Variants in GASK1B observed in about 807,000 individuals in gnomAD.
The protein encoded by GASK1B is golgi associated kinase 1B, also known as Golgi-associated kinase 1B.
GASK1B carries 34 observed loss-of-function variants against 42.8 expected under a neutral mutation model. The observed-to-expected ratio is 0.79, with a 90% CI of 0.60 to 1.06. The LOEUF is 1.06. Among genes scored for constraint, GASK1B ranks in the 50% least tolerant of loss-of-function variants. The pLI is 0.00. For synonymous variants in GASK1B, 262 were observed against 259.1 expected, an observed-to-expected ratio of 1.01 and a Z score of -0.11; for missense variants, 686 against 661.0, an observed-to-expected ratio of 1.04 and a Z score of -0.42.
At chr4:158,129,176 A>C (rs1730575112) in intron 4 of GASK1B, among the ~76,000 whole-genome samples, 1 of 152,232 alleles carries the variant, frequency 6.6e-6, no homozygotes, top group Non-Finnish European at 1.5e-5. Context: ...ACTCCTCATA[A>C]TGCATTTAAA....
At chr4:158,162,556 G>A (rs1282196474) in intron 2 of GASK1B, among the ~76,000 whole-genome samples, 2 of 152,164 alleles carry the variant, frequency 1.3e-5, no homozygotes, top group South Asian at 2.1e-4. Flanking sequence ...AATTGGGAAG[G>A]ATTAGAGAAA....
chr4:158,143,888 T>C (rs1374688015), intron 3 of GASK1B, among the ~76,000 whole-genome samples: 1 of 152,118 alleles, frequency 6.6e-6, no homozygotes, highest in East Asian at 1.9e-4. Context: ...TGTTTAAAAA[T>C]ACAGTGTCAT....
chr4:158,149,767 T>C (rs1731475877), intron 3 of GASK1B, among the ~76,000 whole-genome samples: 1 of 152,090 alleles, frequency 6.6e-6, no homozygotes, highest in Non-Finnish European at 1.5e-5. Flanking sequence ...TTGGTAGTAG[T>C]TATACAACTA....
In GASK1B at chr4:158,170,881, C is replaced by T; in HGVS notation, c.495G>A (p.Gly165=). ...AAREADAVAP[G]YAQGANLVKI... is the part of the protein sequence containing the mutation. ...TAACCAGGTTTGCTCCCTGAGCGTA[C>T]CCAGGTGCTACAGCATCAGCTTCCC... The change falls in exon 2 of 5, where the codon GGG becomes GGA. Residue 165 remains glycine, a synonymous_variant. Transcript: ENST00000585682. The T allele has an allele frequency of 6.2e-7, 1 of 1,614,236 alleles. No individual in the cohort carries two copies. Among genetic ancestry groups the T allele is most frequent in the Non-Finnish European group, 8.5e-7 (1 of 1,180,050 alleles).
At chr4:158,130,293 TGCCTTACTTACCAGATTG>T (rs1168474140) in intron 4 of GASK1B, among the ~76,000 whole-genome samples, 1 of 152,218 alleles carries the variant, frequency 6.6e-6, no homozygotes, top group East Asian at 1.9e-4. Context: ...TCTGAGACTA[TGCCTTACTTACCAGATTG>T]GCTGTCATTT....
intron 3 of GASK1B, among the ~76,000 whole-genome samples, chr4:158,151,802 T>TG (rs2110982221): frequency 6.6e-6 from 1 of 152,272 alleles, no homozygotes; most frequent in East Asian, 1.9e-4. Context: ...AAATGGTAAT[T>TG]GTGATGGTTA....
chr4:158,163,035 C>T (rs1732085881), intron 2 of GASK1B, among the ~76,000 whole-genome samples: 1 of 152,182 alleles, frequency 6.6e-6, no homozygotes, highest in African/African-American at 2.4e-5. Flanking sequence ...ACAAGATTAT[C>T]TGATGTAGGG....
chr4:158,126,056 T>G lies in GASK1B; in HGVS notation c.*1351A>C, dbSNP rs1730441106. 3 of 152,160 alleles carry G rather than the reference T, an allele frequency of 2.0e-5. No individual in the cohort carries two copies. The highest frequency in any genetic ancestry group is 4.1e-4 in the South Asian group (2 of 4,830). 9.4% of individuals were successfully genotyped at this position (152,160 alleles called of 1,614,324 possible). A position where few individuals can be genotyped will look rare whatever the true frequency, so the allele number is the denominator to read the frequency against. ...AGGAGAGAATGTATTATAAACATTCTCAAATTGTATTTTTAAACTTTCAGG... is the reference window on the plus strand; with the variant it reads ...AGGAGAGAATGTATTATAAACATTCGCAAATTGTATTTTTAAACTTTCAGG... On this transcript the variant is annotated 3_prime_UTR_variant, in exon 5 of 5. Transcript: ENST00000585682.
chr4:158,136,080 A>G (rs978134569), intron 3 of GASK1B, among the ~76,000 whole-genome samples: 1 of 152,166 alleles, frequency 6.6e-6, no homozygotes, highest in African/African-American at 2.4e-5. Context: ...AAGTTTCTAA[A>G]TGCTTACTTG....
At chr4:158,144,888 T>C (rs532839030) in intron 3 of GASK1B, among the ~76,000 whole-genome samples, 98 of 152,314 alleles carry the variant, frequency 6.4e-4, no homozygotes, top group Middle Eastern at 3.4e-3. Flanking sequence ...GTATTCTGAT[T>C]CAGCAAAGCA....
chr4:158,159,828 C>T, intron 2 of GASK1B: 1 of 169,738 alleles, frequency 5.9e-6, no homozygotes, highest in Non-Finnish European at 1.3e-5. Context: ...AGAAGATGAA[C>T]ATGAAAATTC....
intron 2 of GASK1B, among the ~76,000 whole-genome samples, chr4:158,163,477 G>C (rs1257054448): frequency 6.6e-6 from 1 of 151,686 alleles, no homozygotes; most frequent in Admixed American, 6.6e-5. Flanking sequence ...GCTGAGGCAA[G>C]AGAATTGCTC....
At chr4:158,138,144 A>G (rs185500667) in intron 3 of GASK1B, among the ~76,000 whole-genome samples, 1 of 152,348 alleles carries the variant, frequency 6.6e-6, no homozygotes, top group African/African-American at 2.4e-5. Flanking sequence ...TATAGCTGCA[A>G]TGTTTAAAAT....
chr4:158,140,048 G>T (rs1394378136), intron 3 of GASK1B, among the ~76,000 whole-genome samples: 2 of 152,212 alleles, frequency 1.3e-5, no homozygotes, highest in African/African-American at 4.8e-5. Context: ...TCCTGTGACT[G>T]CAGTGGCAGT....
chr4:158,163,304 C>T (rs1202807761), intron 2 of GASK1B, among the ~76,000 whole-genome samples: 5 of 152,234 alleles, frequency 3.3e-5, no homozygotes, highest in Admixed American at 6.5e-5. Flanking sequence ...GGCACAGTGG[C>T]TCACGCCTGT....
Position 158,127,580 on chromosome 4 carries a change from G to T in GASK1B, c.1387C>A (p.Gln463Lys), listed in dbSNP as rs1234529830. 1 of 1,613,396 alleles carries T rather than the reference G, an allele frequency of 6.2e-7. No individual in the cohort carries two copies. The highest frequency in any genetic ancestry group is 1.1e-5 in the South Asian group (1 of 91,046). The change falls in exon 5 of 5, where the codon CAG becomes AAG. Residue 463 changes from glutamine (Q) to lysine (K), a missense_variant. Coordinates refer to ENST00000585682, the MANE Select transcript of GASK1B (RefSeq NM_001128424.2). ...TGAAGAAGTTTCTGCCGTAAGTGCT[G>T]GCTCTTCAAAACAGAAACTGCAGAA... is the stretch of plus-strand genomic sequence containing the variant. Reference protein sequence around the residue: ...PASAVSVLKSQHLRQKLLQSL... With the variant: ...PASAVSVLKSKHLRQKLLQSL...
chr4:158,152,494 A>G (rs1731595329), intron 3 of GASK1B, among the ~76,000 whole-genome samples: 1 of 152,092 alleles, frequency 6.6e-6, no homozygotes, highest in East Asian at 1.9e-4. Context: ...ATATCATTCT[A>G]TGAAGTCAGT....
chr4:158,148,220 A>T (rs954725759), intron 3 of GASK1B, among the ~76,000 whole-genome samples: 2 of 152,138 alleles, frequency 1.3e-5, no homozygotes, highest in South Asian at 2.1e-4. Flanking sequence ...TCTCTATTTT[A>T]AAAAAGGGAA....
chr4:158,151,348 A>T (rs894635979), intron 3 of GASK1B, among the ~76,000 whole-genome samples: 4 of 152,204 alleles, frequency 2.6e-5, no homozygotes, highest in Non-Finnish European at 5.9e-5. Flanking sequence ...GACCATTGAA[A>T]CACAGTATGG....
Sources: allele counts gnomAD v4.1 joint callset (sites outside exome capture counted in the v4.1 genomes callset), GRCh38; gene constraint gnomAD v4.1.1; transcripts MANE v1.5; gene names NCBI Gene and HGNC (gene_info 2026-07-23, HGNC 2026-07-21).